The following EGFLAM variants were observed in gnomAD, a reference collection of about 807,000 sequenced individuals.
EGFLAM encodes the protein pikachurin.
A neutral mutation model predicts 113.1 loss-of-function variants in EGFLAM; 79 were observed. The observed-to-expected ratio is 0.70, with a 90% CI of 0.58 to 0.84. The LOEUF is 0.84. Among genes scored for constraint, EGFLAM ranks in the 40% least tolerant of loss-of-function variants. The pLI is 0.00. For synonymous variants in EGFLAM, 504 were observed against 487.6 expected (o/e 1.03, Z -0.44); for missense variants, 1,265 against 1,291.6 (o/e 0.98, Z 0.32).
chr5:38,458,448 TG>T (rs1477571647), intron 20 of EGFLAM, 54 bp downstream of exon 20: 7 of 1,569,520 alleles, frequency 4.5e-6, no homozygotes, highest in Non-Finnish European at 6.1e-6. Context: ...TGGTGGGATG[TG>T]GTGTCCAGTT....
At chr5:38,328,315 T>C (rs1383409469) in intron 1 of EGFLAM, among the ~76,000 whole-genome samples, 2 of 152,222 alleles carry the variant, frequency 1.3e-5, no homozygotes, top group Admixed American at 1.3e-4. Context: ...TCCTTCCCCA[T>C]GATCCAGTCA....
chr5:38,443,233 T>C (rs1162373841), intron 17 of EGFLAM, among the ~76,000 whole-genome samples: 7 of 152,200 alleles, frequency 4.6e-5, no homozygotes, highest in Non-Finnish European at 8.8e-5. Context: ...GCCACTGCAC[T>C]CCAGCCTGGG....
At chr5:38,456,689 C>G (rs970782681) in intron 19 of EGFLAM, among the ~76,000 whole-genome samples, 1 of 152,136 alleles carries the variant, frequency 6.6e-6, no homozygotes, top group Non-Finnish European at 1.5e-5. Flanking sequence ...CTGGAGAAAG[C>G]CAAGCACTTT....
At chr5:38,339,815 G>A (rs1739290192) in intron 3 of EGFLAM, among the ~76,000 whole-genome samples, 1 of 152,166 alleles carries the variant, frequency 6.6e-6, no homozygotes, top group South Asian at 2.1e-4. Context: ...TTTCCAGCTT[G>A]CTTTTATTTT....
At chr5:38,399,808 ACCTGCT>A (rs1313037101) in intron 6 of EGFLAM, 2 of 152,126 alleles carry the variant, frequency 1.3e-5, no homozygotes, top group African/African-American at 4.8e-5. Context: ...TCAAAATACA[ACCTGCT>A]CCTTTTGAGT....
intron 3 of EGFLAM, among the ~76,000 whole-genome samples, chr5:38,347,324 A>G (rs1739497279): frequency 1.3e-5 from 2 of 152,320 alleles, no homozygotes; most frequent in South Asian, 2.1e-4. Context: ...TGGTAATACT[A>G]TGCTAAGCTT....
chr5:38,313,290 G>C (rs1480855279), intron 1 of EGFLAM, among the ~76,000 whole-genome samples: 1 of 152,048 alleles, frequency 6.6e-6, no homozygotes, highest in Non-Finnish European at 1.5e-5. Context: ...TTCATAGACT[G>C]CCTTGTTTAC....
At chr5:38,408,869 C>T (rs1741378330) in intron 9 of EGFLAM, 135 bp from the exon 10 acceptor site, 1 of 744,302 alleles carries the variant, frequency 1.3e-6, no homozygotes, top group African/African-American at 1.7e-5. Context: ...GAATTGGAGC[C>T]CACATGCTTG....
At chr5:38,424,856 A>G in intron 12 of EGFLAM, 111 bp from the exon 13 acceptor site, 2 of 1,418,576 alleles carry the variant, frequency 1.4e-6, no homozygotes, top group Non-Finnish European at 1.9e-6. Flanking sequence ...CAACAGGAGT[A>G]AGAACTGAAA....
Position 38,350,622 on chromosome 5 carries a change from A to C in EGFLAM, c.409+4A>C, listed in dbSNP as rs1561288833. 9.9e-6 allele frequency: 16 copies of C among 1,612,670 alleles called. No homozygotes were observed. The highest frequency in any genetic ancestry group is 1.4e-5 in the Non-Finnish European group (16 of 1,179,524). On this transcript the variant is annotated splice_donor_region_variant and intron_variant, in intron 4 of 21. Coordinates refer to ENST00000322350, the MANE Select transcript of EGFLAM (RefSeq NM_152403.4). ...CATGTCACCACTTTGTCCCAAGGTA[A>C]AGTAGGTTCAAATTCATTAATAGGT...
chr5:38,317,739 C>T (rs1490791629), intron 1 of EGFLAM, among the ~76,000 whole-genome samples: 2 of 152,194 alleles, frequency 1.3e-5, no homozygotes, highest in Non-Finnish European at 2.9e-5. Context: ...ACCCCATCTT[C>T]TTCTAACCCA....
chr5:38,319,154 A>C (rs1050210043), intron 1 of EGFLAM, among the ~76,000 whole-genome samples: 2 of 152,116 alleles, frequency 1.3e-5, no homozygotes, highest in African/African-American at 4.8e-5. Flanking sequence ...CTCCTTCAGC[A>C]GACCCCCAAC....
chr5:38,273,741 G>A (rs2115146), intron 1 of EGFLAM, among the ~76,000 whole-genome samples: 94,172 of 152,106 alleles, frequency 0.62, 30,301 homozygotes, highest in African/African-American at 0.79. Context: ...TTCCTAGACA[G>A]AGCTAGACTG....
chr5:38,399,817 T>A (rs1229671197), intron 6 of EGFLAM: 2 of 152,208 alleles, frequency 1.3e-5, no homozygotes, highest in African/African-American at 4.8e-5. Context: ...AACCTGCTCC[T>A]TTTGAGTGAA....
At chr5:38,357,269 G>A (rs1739787061) in intron 5 of EGFLAM, among the ~76,000 whole-genome samples, 2 of 152,046 alleles carry the variant, frequency 1.3e-5, no homozygotes, top group East Asian at 1.9e-4. Context: ...AAGAAAAGAA[G>A]GCAGACCCTC....
intron 1 of EGFLAM, among the ~76,000 whole-genome samples, chr5:38,287,007 G>A (rs1171705141): frequency 6.6e-6 from 1 of 152,194 alleles, no homozygotes; most frequent in Admixed American, 6.5e-5. Flanking sequence ...GGGCCTATGA[G>A]GGCAATGATA....
At position 38,315,243 on chromosome 5, in the gene EGFLAM, G is replaced by A. The variant is rs576092824; in HGVS notation, c.98-22277G>A. On this transcript the variant is annotated intron_variant, in intron 1 of 21. Transcript: ENST00000322350. Reference sequence around the variant, plus strand: ...TTGATTTTCTAACTTAGATTTTATAGTCCCTAGTGATTCCAGCCTCTATGG... The same window carrying A: ...TTGATTTTCTAACTTAGATTTTATAATCCCTAGTGATTCCAGCCTCTATGG... Among the ~76,000 whole-genome samples the A allele has an allele frequency of 2.4e-4, 36 of 152,208 alleles. No homozygotes were observed. In the South Asian group the frequency reaches 7.5e-3, roughly 32 times the overall value.
chr5:38,336,682 A>T (rs1282111538), intron 1 of EGFLAM, among the ~76,000 whole-genome samples: 1 of 152,084 alleles, frequency 6.6e-6, no homozygotes, highest in East Asian at 1.9e-4. Context: ...CTTTTTGAGC[A>T]CCAATATGAC....
intron 1 of EGFLAM, among the ~76,000 whole-genome samples, chr5:38,334,027 G>A (rs904387546): frequency 1.4e-5 from 2 of 142,120 alleles, no homozygotes; most frequent in East Asian, 2.2e-4. Context: ...GGGTTCAAGC[G>A]ATTCTCCTGC....
Sources: gnomAD v4.1 joint callset for allele counts (sites outside exome capture counted in the v4.1 genomes callset) on GRCh38, gnomAD v4.1.1 for gene constraint, MANE v1.5 for transcripts, NCBI Gene and HGNC (gene_info 2026-07-23, HGNC 2026-07-21) for gene names.